WAS: variants seen among roughly 807,000 people sequenced by gnomAD.
WAS encodes the protein WASP actin nucleation promoting factor, also known as actin nucleation-promoting factor WAS.
Under a neutral mutation model 38.9 loss-of-function variants are expected in WAS, and 1 was observed. The ratio of observed to expected loss-of-function variants is 0.03; its 90% CI spans 0.01 to 0.12. The LOEUF is 0.12. Ranked by LOEUF, WAS falls within the 10% of genes least tolerant of loss-of-function variation. WAS has a pLI of 1.00. For synonymous variants in WAS, 182 were observed against 173.6 expected (o/e 1.05, Z -0.38); for missense variants, 311 against 431.2 (o/e 0.72, Z 2.47).
upstream of WAS, among the ~76,000 whole-genome samples, chrX:48,681,969 C>G (rs1967078154): frequency 8.9e-6 from 1 of 112,233 alleles, no homozygotes; most frequent in Non-Finnish European, 1.9e-5. Flanking sequence ...CCCCAAACTG[C>G]TGTTCCTGTA....
chrX:48,683,756 T>A, upstream of WAS: 1 of 1,125,543 alleles, frequency 8.9e-7, no homozygotes, highest in Non-Finnish European at 1.2e-6. Flanking sequence ...TCCCTTGTGG[T>A]TTTTTGCATT....
chrX:48,683,304 T>C, upstream of WAS: 1 of 114,477 alleles, frequency 8.7e-6, no homozygotes, highest in South Asian at 3.3e-4. Context: ...CAGGCTCGTC[T>C]TGAACTCCTG....
intron 2 of WAS, among the ~76,000 whole-genome samples, chrX:48,684,825 A>G (rs2062414241): frequency 9.0e-6 from 1 of 111,292 alleles, no homozygotes; most frequent in Non-Finnish European, 1.9e-5. Context: ...ACAAACCCCA[A>G]AGTTGAATAT....
At chrX:48,684,469 C>T (rs782468076) in intron 2 of WAS, 46 bp downstream of exon 2, 9 of 1,183,850 alleles carry the variant, frequency 7.6e-6, no homozygotes, top group African/African-American at 7.2e-5. Flanking sequence ...GTTCTCAACC[C>T]GCAAACCCAG....
At chrX:48,686,011 G>A (rs781901235) in intron 5 of WAS, 24 bp downstream of exon 5, 1 of 1,211,065 alleles carries the variant, frequency 8.3e-7, no homozygotes, top group Non-Finnish European at 1.1e-6. Context: ...TGCAAGTAGG[G>A]GTAATAAGGG....
chrX:48,685,900 A>C (rs782454496), intron 4 of WAS, 46 bp from the exon 5 acceptor site: 6 of 1,207,655 alleles, frequency 5.0e-6, no homozygotes, highest in Non-Finnish European at 4.5e-6. Flanking sequence ...GGGGAACTAG[A>C]AAAGTCCCCT....
At chrX:48,679,851 T>G (rs2062397495), upstream of WAS, among the ~76,000 whole-genome samples, 1 of 112,371 alleles carries the variant, frequency 8.9e-6, no homozygotes, top group African/African-American at 3.2e-5. Context: ...CATTTTTTAT[T>G]CCTTTACTTT....
intron 1 of WAS, among the ~76,000 whole-genome samples, chrX:48,677,380 C>T (rs1327363149): frequency 1.8e-5 from 2 of 111,679 alleles, no homozygotes; most frequent in Non-Finnish European, 3.8e-5. Context: ...GATGATAGTT[C>T]ATTGATCCAA....
chrX:48,681,405 G>A (rs1431510155), upstream of WAS, among the ~76,000 whole-genome samples: 10 of 111,720 alleles, frequency 9.0e-5, no homozygotes, highest in Non-Finnish European at 1.9e-4. Flanking sequence ...TCCTGACCTC[G>A]TGATCTGGCT....
intron 7 of WAS, 141 bp from the exon 8 acceptor site, chrX:48,687,913 T>A (rs1226465757): frequency 1.3e-5 from 8 of 635,840 alleles, no homozygotes; most frequent in Non-Finnish European, 2.0e-5. Context: ...CTCCTGCCTA[T>A]ACTCATTCAC....
At chrX:48,680,358 A>G (rs2062398418), upstream of WAS, among the ~76,000 whole-genome samples, 1 of 110,761 alleles carries the variant, frequency 9.0e-6, no homozygotes, top group Non-Finnish European at 1.9e-5. Flanking sequence ...TTCTATCTTG[A>G]ATAGGGGCTG....
At chrX:48,677,555 G>T (rs1299807152) in intron 1 of WAS, among the ~76,000 whole-genome samples, 1 of 112,122 alleles carries the variant, frequency 8.9e-6, no homozygotes, top group Non-Finnish European at 1.9e-5. Context: ...CCCTGTAGAG[G>T]TTACCAGAAG....
chrX:48,685,131 G>A (rs781839366), intron 2 of WAS, among the ~76,000 whole-genome samples: 11 of 110,620 alleles, frequency 9.9e-5, no homozygotes, highest in Non-Finnish European at 1.9e-4. Context: ...TGGACTCCCC[G>A]CGAAACTCCC....
In WAS at chrX:48,685,786, G is replaced by A. The variant is rs139265251; in HGVS notation, c.413G>A (p.Arg138Gln). The A allele has an allele frequency of 7.2e-4, 849 of 1,182,649 alleles. No individual in the cohort carries two copies. Among genetic ancestry groups the A allele is most frequent in the Non-Finnish European group, 8.6e-4 (758 of 881,001 alleles). The stretch of plus-strand genomic sequence containing the variant: ...GACGAGGACGAGGCCCAGGCCTTCC[G>A]GGCCCTCGTGCAGGAGAAGATACAA... ...FADEDEAQAF[R>Q]ALVQEKIQKR... Residue 138 changes from arginine (R) to glutamine (Q), a missense_variant, in exon 4 of 12, where the codon CGG becomes CAG. By Grantham distance (43) the Arg-to-Gln change is conservative. Around this residue, in one of 4 missense-constraint regions of WAS, gnomAD observed 64 missense variants for 122.5 expected, o/e 0.52. Coordinates refer to ENST00000376701, the MANE Select transcript of WAS (RefSeq NM_000377.3).
rs782711732 is a variant in WAS, at chrX:48,688,995, G to A, written c.1267G>A (p.Gly423Arg). 51 of 1,197,493 alleles carry A rather than the reference G, an allele frequency of 4.3e-5. No individual in the cohort carries two copies. The highest frequency in any genetic ancestry group is 8.8e-5 in the African/African-American group (5 of 56,996). Residue 423 changes from glycine to arginine, a missense_variant, in exon 10 of 12, where the codon GGG (glycine) becomes AGG (arginine). Around this residue, in one of 4 missense-constraint regions of WAS, gnomAD observed 142 missense variants for 157.6 expected, o/e 0.90. Transcript: ENST00000376701. ...ACTCCCTCCTGCTCTGGTGCCTGCC[G>A]GGGGCCTGGCCCCTGGTGGGGGTCG... The part of the protein sequence containing the change: ...PPLPPALVPA[G>R]GLAPGGGRGA...
intron 2 of WAS, among the ~76,000 whole-genome samples, chrX:48,684,645 T>C (rs868995767): frequency 1.8e-5 from 2 of 111,843 alleles, no homozygotes; most frequent in Non-Finnish European, 3.8e-5. Flanking sequence ...CCCCCAGTAT[T>C]AGTCTGCTGC....
At chrX:48,680,227 G>A (rs781989434), upstream of WAS, among the ~76,000 whole-genome samples, 2 of 111,579 alleles carry the variant, frequency 1.8e-5, no homozygotes, top group African/African-American at 6.5e-5. Context: ...GAATATCATC[G>A]CCCCTATTCC....
chrX:48,680,753 G>A (rs1472697035), upstream of WAS, among the ~76,000 whole-genome samples: 4 of 111,843 alleles, frequency 3.6e-5, no homozygotes, highest in Admixed American at 9.5e-5. Flanking sequence ...CCCTTGTTTA[G>A]CATATAATTA....
chrX:48,679,607 G>A (rs56014936), upstream of WAS, among the ~76,000 whole-genome samples: 3 of 109,991 alleles, frequency 2.7e-5, no homozygotes, highest in Non-Finnish European at 5.7e-5. Context: ...AACATAGTGA[G>A]ACCCCATCTC....
Sources: allele counts gnomAD v4.1 joint callset (sites outside exome capture counted in the v4.1 genomes callset), GRCh38; gene constraint gnomAD v4.1.1; regional missense constraint gnomAD v4.1.1; transcripts MANE v1.5; gene names NCBI Gene and HGNC (gene_info 2026-07-23, HGNC 2026-07-21).